The following PXN variants were observed in gnomAD, a reference collection of about 807,000 sequenced individuals.
PXN encodes paxillin, also known as testicular tissue protein Li 134.
A neutral mutation model predicts 103.6 loss-of-function variants in PXN; 61 were observed. The observed-to-expected ratio is 0.59, with a 90% confidence interval of 0.48 to 0.73. The LOEUF (loss-of-function observed/expected upper bound fraction) is 0.73, where lower values mean the gene tolerates loss of function less well. Among genes scored for constraint, PXN ranks in the 30% least tolerant of loss-of-function variants. The pLI is 0.00. For missense variants in PXN, 1,274 were observed against 1,460.3 expected (o/e 0.87, Z 2.08); for synonymous variants, 562 against 607.8 (o/e 0.92, Z 1.11).
At position 120,212,692 on chromosome 12, in the gene PXN, T is replaced by C. The variant is rs1221402286; in HGVS notation, c.2980-112A>G. 3.9e-6 allele frequency: 5 copies of C among 1,293,562 alleles called. No homozygotes were observed. Among genetic ancestry groups the C allele is most frequent in the Non-Finnish European group, 4.3e-6 (4 of 940,496 alleles). 80.1% of individuals were successfully genotyped at this position (1,293,562 alleles called of 1,614,324 possible). On this transcript the variant is annotated intron_variant, in intron 14 of 14. Coordinates refer to ENST00000637617, the MANE Select transcript of PXN (RefSeq NM_001385981.1). This position sits in a 1 kb window ranked among gnomAD's most constrained non-coding sequence, Gnocchi z 7.2. Reference sequence around the variant, plus strand: ...CACGCTCGGAGTGACTCCTACTTGCTAGGCGTTTCCCATGTGCCGTGTTGT... The same window carrying C: ...CACGCTCGGAGTGACTCCTACTTGCCAGGCGTTTCCCATGTGCCGTGTTGT...
chr12:120,245,632 CA>C, intron 1 of PXN, among the ~76,000 whole-genome samples: 1 of 151,450 alleles, frequency 6.6e-6, no homozygotes, highest in East Asian at 1.9e-4. Flanking sequence ...CTAAAAAATA[CA>C]AAAAATTAGC....
intron 1 of PXN, among the ~76,000 whole-genome samples, chr12:120,262,676 A>C (rs762957229): frequency 2.0e-5 from 3 of 152,154 alleles, no homozygotes; most frequent in Non-Finnish European, 2.9e-5. Flanking sequence ...CAAAGCCCCC[A>C]CCAAGTACAC....
At chr12:120,239,887 G>A (rs1027731150) in intron 1 of PXN, among the ~76,000 whole-genome samples, 2 of 151,568 alleles carry the variant, frequency 1.3e-5, no homozygotes, top group African/African-American at 2.4e-5. Context: ...ACACTGGTCT[G>A]CTTGGCTACC....
At position 120,220,073 on chromosome 12, in the gene PXN, C is replaced by A; in HGVS notation, c.850G>T (p.Ala284Ser). Residue 284 changes from alanine to serine, a missense_variant, in exon 7 of 15, where the codon GCT becomes TCT. By Grantham distance (99) the Ala-to-Ser change is moderately conservative (BLOSUM62 1). Transcript: ENST00000637617. This position sits in a 1 kb window ranked among gnomAD's most constrained non-coding sequence, Gnocchi z 6.1. ...SDFKTSSSTVALSAPGLSSSA... is the reference protein window; with the variant it reads ...SDFKTSSSTVSLSAPGLSSSA... ...CTGGACAGCCCCGGGGCACTCAGAG[C>A]CACAGTGGAGGAGCTGGTCTGGAGA... is the stretch of plus-strand genomic sequence containing the variant. 1 of 1,313,180 alleles carries A rather than the reference C, an allele frequency of 7.6e-7. No individual in the cohort carries two copies. The allele number at this position is 1,313,180 out of a possible 1,614,324, so 81.3% of individuals were successfully genotyped here. A position where few individuals can be genotyped will look rare whatever the true frequency, so the allele number is the denominator to read the frequency against.
intron 1 of PXN, among the ~76,000 whole-genome samples, chr12:120,243,149 C>A (rs1320162773): frequency 6.6e-6 from 1 of 152,166 alleles, no homozygotes; most frequent in African/African-American, 2.4e-5. Flanking sequence ...GAGCTATTCC[C>A]TCTCCCTAGA....
At chr12:120,247,727 T>C (rs991460485) in intron 1 of PXN, 4 of 153,402 alleles carry the variant, frequency 2.6e-5, no homozygotes, top group African/African-American at 9.7e-5. Context: ...CCTCCCGAGA[T>C]TGCTAAGCAG....
chr12:120,224,264 T>C lies in PXN; in HGVS notation c.127A>G (p.Ile43Val). ...YPTGNHTYQE[I>V]AVPPPVPPPP... Reference sequence around the variant, plus strand: ...GGGGGGACGGGGGGTGGCACGGCAATCTCCTGGTATGTGTGGTTTCCAGTT... The same window carrying C: ...GGGGGGACGGGGGGTGGCACGGCAACCTCCTGGTATGTGTGGTTTCCAGTT... The change falls in exon 2 of 15, where the codon ATT (isoleucine) becomes GTT (valine). Residue 43 changes from isoleucine to valine, a missense_variant. Coordinates refer to ENST00000637617, the MANE Select transcript of PXN (RefSeq NM_001385981.1). This position sits in a 1 kb window ranked among gnomAD's most constrained non-coding sequence, Gnocchi z 5.0. 6.2e-7 allele frequency: 1 copy of C among 1,613,646 alleles called. No individual in the cohort carries two copies. Among genetic ancestry groups the C allele is most frequent in the Non-Finnish European group, 8.5e-7 (1 of 1,179,704 alleles).
rs1427201925 is a variant in PXN, at chr12:120,224,754, C to T, written c.14-377G>A. 4.3e-5 allele frequency: 21 copies of T among 491,650 alleles called. No individual in the cohort carries two copies. The highest frequency in any genetic ancestry group is 3.9e-4 in the Admixed American group (17 of 43,502). The allele number at this position is 491,650 out of a possible 1,614,324, so 30.5% of individuals were successfully genotyped here. A position where few individuals can be genotyped will look rare whatever the true frequency, so the allele number is the denominator to read the frequency against. ...TGCAGGGCAACGCGGAGAGAATGGG[C>T]GGGAGGGGCCCCACGTCACAGGGAG... On this transcript the variant is annotated intron_variant, in intron 1 of 14. Coordinates refer to ENST00000637617, the MANE Select transcript of PXN (RefSeq NM_001385981.1). This position sits in a 1 kb window ranked among gnomAD's most constrained non-coding sequence, Gnocchi z 5.0.
chr12:120,211,855 A>C lies in PXN; in HGVS notation c.*459T>G, dbSNP rs757273638. ...ATTTATGCTGGCATTGTCTGGAGGG[A>C]GCCGGGTGTCCCCCAATAATCACAG... On this transcript the variant is annotated 3_prime_UTR_variant, in exon 15 of 15. Coordinates refer to ENST00000637617, the MANE Select transcript of PXN (RefSeq NM_001385981.1). 13 of 492,784 alleles carry C rather than the reference A, an allele frequency of 2.6e-5. No individual in the cohort carries two copies. The Middle Eastern group carries it at 1.3e-3, about 48-fold the overall frequency. The allele number at this position is 492,784 out of a possible 1,614,324, so 30.5% of individuals were successfully genotyped here. A position where few individuals can be genotyped will look rare whatever the true frequency, so the allele number is the denominator to read the frequency against.
Position 120,212,625 on chromosome 12 carries a change from G to C in PXN, c.2980-45C>G, listed in dbSNP as rs368328584. The stretch of plus-strand genomic sequence containing the variant: ...GCTCAGGGAGCTGCCCCTCGGGCTA[G>C]AGCTGCACCCTGTGTGATGGGGCCG... On this transcript the variant is annotated intron_variant, in intron 14 of 14. Transcript: ENST00000637617. This position sits in a 1 kb window ranked among gnomAD's most constrained non-coding sequence, Gnocchi z 7.2. 325 of 1,583,256 alleles carry C rather than the reference G, an allele frequency of 2.1e-4. No individual in the cohort carries two copies. The highest frequency in any genetic ancestry group is 2.7e-4 in the Non-Finnish European group (316 of 1,164,258).
chr12:120,237,651 C>T (rs189957971), intron 1 of PXN, among the ~76,000 whole-genome samples: 1 of 152,172 alleles, frequency 6.6e-6, no homozygotes, highest in East Asian at 1.9e-4. Context: ...CCAGAGTGCT[C>T]CCCGAGCTGA....
intron 1 of PXN, among the ~76,000 whole-genome samples, chr12:120,230,425 T>C (rs1887769177): frequency 6.6e-6 from 1 of 152,174 alleles, no homozygotes; most frequent in African/African-American, 2.4e-5. Context: ...TGGGCAGCCT[T>C]GGTAGCTCTG....
chr12:120,231,304 T>C (rs542148313), intron 1 of PXN, among the ~76,000 whole-genome samples: 1 of 152,372 alleles, frequency 6.6e-6, no homozygotes, highest in African/African-American at 2.4e-5. Context: ...AAGATTCTGC[T>C]ATTATCTGAA....
In PXN at chr12:120,213,549, T is replaced by A. The variant is rs1881189438; in HGVS notation, c.2979+293A>T. ...ATTTCTGTTGAGTCTGCTAAATACT[T>A]GCATTATCTCATTTAGTTCTCACAC... On this transcript the variant is annotated intron_variant, in intron 14 of 14. Coordinates refer to ENST00000637617, the MANE Select transcript of PXN (RefSeq NM_001385981.1). This position sits in a 1 kb window ranked among gnomAD's most constrained non-coding sequence, Gnocchi z 4.2. Among the ~76,000 whole-genome samples the A allele has an allele frequency of 1.3e-5, 2 of 152,216 alleles. No homozygotes were observed. The highest frequency in any genetic ancestry group is 4.8e-5 in the African/African-American group (2 of 41,466).
In PXN at chr12:120,265,439, C is replaced by G. The variant is rs1193975084; in HGVS notation, c.13+178G>C. ...CGGTCGGTGCCGGGGCCGGCCTGGC[C>G]CGAGACTAAGGCCCGGTTAGGGATC... On this transcript the variant is annotated intron_variant, in intron 1 of 14. Transcript: ENST00000637617. The surrounding 1 kb of genome is among the most constrained non-coding windows in gnomAD (Gnocchi z 5.7). Among the ~76,000 whole-genome samples, 2 of 151,864 alleles carry G rather than the reference C, an allele frequency of 1.3e-5. No homozygotes were observed. The highest frequency in any genetic ancestry group is 2.9e-5 in the Non-Finnish European group (2 of 67,898).
At chr12:120,240,023 G>A (rs1189540823) in intron 1 of PXN, among the ~76,000 whole-genome samples, 2 of 149,588 alleles carry the variant, frequency 1.3e-5, no homozygotes, top group African/African-American at 4.9e-5. Context: ...CACAGGTTTT[G>A]TCGCTGAACT....
rs144888111 is a variant in PXN at position 120,251,561 on chromosome 12, T to C, written c.13+14056A>G. ...AGGCCGCTGCGGTGGCTCACTCCTG[T>C]AATCCCAGCACTTTGGGAGGTGAGG... is the stretch of plus-strand genomic sequence containing the variant. On this transcript the variant is annotated intron_variant, in intron 1 of 14. Coordinates refer to ENST00000637617, the MANE Select transcript of PXN (RefSeq NM_001385981.1). Among the ~76,000 whole-genome samples the C allele has an allele frequency of 3.9e-3, 587 of 151,990 alleles. 10 individuals carry two copies. Among genetic ancestry groups the C allele is most frequent in the Non-Finnish European group, 3.9e-3 (265 of 67,992 alleles).
rs2136164975 is a variant in PXN, at chr12:120,213,152, G to A, written c.2980-572C>T. On this transcript the variant is annotated intron_variant, in intron 14 of 14. Coordinates refer to ENST00000637617, the MANE Select transcript of PXN (RefSeq NM_001385981.1). The surrounding 1 kb of genome is among the most constrained non-coding windows in gnomAD (Gnocchi z 4.2). ...CCAGCACTTTGGGAGGCCAAGGGAG[G>A]CGGATCACCTGAGGTCAGGAGTTCA... 1 of 153,236 alleles carries A rather than the reference G, an allele frequency of 6.5e-6. No individual in the cohort carries two copies. The highest frequency in any genetic ancestry group is 3.4e-3 in the Middle Eastern group (1 of 294). 9.5% of individuals were successfully genotyped at this position (153,236 alleles called of 1,614,324 possible). A position where few individuals can be genotyped will look rare whatever the true frequency, so the allele number is the denominator to read the frequency against.
chr12:120,212,257 A>G lies in PXN; in HGVS notation c.*57T>C. 6.3e-7 allele frequency: 1 copy of G among 1,581,934 alleles called. No homozygotes were observed. The highest frequency in any genetic ancestry group is 1.1e-5 in the South Asian group (1 of 87,214). On this transcript the variant is annotated 3_prime_UTR_variant, in exon 15 of 15. Coordinates refer to ENST00000637617, the MANE Select transcript of PXN (RefSeq NM_001385981.1). This position sits in a 1 kb window ranked among gnomAD's most constrained non-coding sequence, Gnocchi z 7.2. ...CACCCCCGGGTGAAGTCTCTAGGTC[A>G]CAGTCGCAGTTGGGGATGCTGGCTG...
Sources: allele counts gnomAD v4.1 joint callset (sites outside exome capture counted in the v4.1 genomes callset), GRCh38; gene constraint gnomAD v4.1.1; non-coding constraint Gnocchi (gnomAD v3.1); transcripts MANE v1.5; gene names NCBI Gene and HGNC (gene_info 2026-07-23, HGNC 2026-07-21).